The following KLHL11 variants were observed in gnomAD, a reference collection of about 807,000 sequenced individuals.
The protein encoded by KLHL11 is kelch like family member 11.
KLHL11 carries 26 observed loss-of-function variants against 56.1 expected under a neutral mutation model. The observed-to-expected ratio is 0.46, with a 90% CI of 0.34 to 0.64. The LOEUF (loss-of-function observed/expected upper bound fraction) is 0.64. KLHL11 is among the 30% of genes least tolerant of loss of function. KLHL11 has a pLI of 0.01. For synonymous variants in KLHL11, 338 were observed against 345.8 expected (o/e 0.98, Z 0.25); for missense variants, 627 against 919.4 (o/e 0.68, Z 4.11).
intron 1 of KLHL11, among the ~76,000 whole-genome samples, chr17:41,858,049 C>T (rs2048377230): frequency 6.6e-6 from 1 of 151,976 alleles, no homozygotes; most frequent in Non-Finnish European, 1.5e-5. Context: ...AACTCCTGAC[C>T]TCAGGTGACC....
chr17:41,853,925 G>A lies in KLHL11; in HGVS notation c.1942C>T (p.Pro648Ser). 6.2e-7 allele frequency: 1 copy of A among 1,614,190 alleles called. No homozygotes were observed. Among genetic ancestry groups the A allele is most frequent in the Non-Finnish European group, 8.5e-7 (1 of 1,180,040 alleles). ...GCAGTGGCTCTACAACGAGGTTGTG[G>A]CATAGGAGGAAGAAGCATCCACCTC... ...RKRWMLLPPM[P>S]QPRCRATACH... is the part of the protein sequence containing the mutation. Residue 648 changes from proline (P) to serine (S), a missense_variant, in exon 2 of 2, where the codon CCA (proline) becomes TCA (serine). Transcript: ENST00000319121.
Position 41,850,099 on chromosome 17 carries a change from A to G in KLHL11, c.*3641T>C, listed in dbSNP as rs782130829. ...TATTTTAGGCCTGATCCTTGTACTT[A>G]GAACCTTTCCAAATACTCTGGGAAG... is the stretch of plus-strand genomic sequence containing the variant. On this transcript the variant is annotated 3_prime_UTR_variant, in exon 2 of 2. Coordinates refer to ENST00000319121, the MANE Select transcript of KLHL11 (RefSeq NM_018143.3). 1 of 152,344 alleles carries G rather than the reference A, an allele frequency of 6.6e-6. No individual in the cohort carries two copies. Among genetic ancestry groups the G allele is most frequent in the African/African-American group, 2.4e-5 (1 of 41,598 alleles). The allele number at this position is 152,344 out of a possible 1,614,324, so 9.4% of individuals were successfully genotyped here.
intron 1 of KLHL11, among the ~76,000 whole-genome samples, chr17:41,856,560 C>G (rs532276595): frequency 3.5e-4 from 53 of 152,216 alleles, no homozygotes; most frequent in Non-Finnish European, 6.5e-4. Context: ...AAAAACACCA[C>G]CAAATTAGAA....
rs1189433333 is a variant in KLHL11 at position 41,851,155 on chromosome 17, G to A, written c.*2585C>T. ...AATCATTGGACAGGTGGCTCTTTGG[G>A]AGGCCAAGGTGGGAGGATTGCTTGA... is the stretch of plus-strand genomic sequence containing the variant. On this transcript the variant is annotated 3_prime_UTR_variant, in exon 2 of 2. Coordinates refer to ENST00000319121, the MANE Select transcript of KLHL11 (RefSeq NM_018143.3). 4 of 152,186 alleles carry A rather than the reference G, an allele frequency of 2.6e-5. No individual in the cohort carries two copies. The highest frequency in any genetic ancestry group is 5.9e-5 in the Non-Finnish European group (4 of 68,040). The allele number at this position is 152,186 out of a possible 1,614,324, so 9.4% of individuals were successfully genotyped here.
rs939059292 is a variant in KLHL11, at chr17:41,864,924, G to C, written c.447C>G (p.Pro149=). The C allele has an allele frequency of 3.1e-6, 5 of 1,610,660 alleles. No individual in the cohort carries two copies. The highest frequency in any genetic ancestry group is 4.2e-6 in the Non-Finnish European group (5 of 1,178,870). Reference sequence around the variant, plus strand: ...TTACGGCTTCCACTGTGTCGGGTTCGGGCCCCGGCTCGGAGCTCCACTTGC... The same window carrying C: ...TTACGGCTTCCACTGTGTCGGGTTCCGGCCCCGGCTCGGAGCTCCACTTGC... ...EMRKWSSEPG[P]EPDTVEAVIE... Residue 149 remains proline, a synonymous_variant, in exon 1 of 2, where the codon CCC becomes CCG. Coordinates refer to ENST00000319121, the MANE Select transcript of KLHL11 (RefSeq NM_018143.3).
rs1555622045 is a variant in KLHL11, at chr17:41,851,886, G to C, written c.*1854C>G. Among the ~76,000 whole-genome samples, 1 of 151,696 alleles carries C rather than the reference G, an allele frequency of 6.6e-6. No homozygotes were observed. The highest frequency in any genetic ancestry group is 1.5e-5 in the Non-Finnish European group (1 of 67,992). ...AGATCATACCACTGTACTCCAACCT[G>C]GGTGACAAAGTGGGACCCCATCCCC... On this transcript the variant is annotated 3_prime_UTR_variant, in exon 2 of 2. Transcript: ENST00000319121.
intron 1 of KLHL11, among the ~76,000 whole-genome samples, chr17:41,863,682 CT>C (rs2048419124): frequency 6.6e-6 from 1 of 152,166 alleles, no homozygotes; most frequent in African/African-American, 2.4e-5. Context: ...TCCTGCATCC[CT>C]TTGATACAGC....
chr17:41,853,852 T>C lies in KLHL11; in HGVS notation c.2015A>G (p.Tyr672Cys). ...CCACATCAGGTTTTGAGGCATAGGGTATCTCTGTGTGCCATGCAAGTACCG... is the reference window on the plus strand; with the variant it reads ...CCACATCAGGTTTTGAGGCATAGGGCATCTCTGTGTGCCATGCAAGTACCG... ...PYRYLHGTQR[Y>C]PMPQNLMWQK... The change falls in exon 2 of 2, where the codon TAC becomes TGC. Residue 672 changes from tyrosine to cysteine, a missense_variant. Physicochemically the swap from Tyr to Cys is radical, Grantham distance 194. Around this residue, in one of 4 missense-constraint regions of KLHL11, gnomAD observed 250 missense variants for 360.6 expected, o/e 0.69. Transcript: ENST00000319121. 1 of 1,614,118 alleles carries C rather than the reference T, an allele frequency of 6.2e-7. No individual in the cohort carries two copies. Among genetic ancestry groups the C allele is most frequent in the Non-Finnish European group, 8.5e-7 (1 of 1,180,032 alleles).
chr17:41,865,207 G>C lies in KLHL11; in HGVS notation c.164C>G (p.Ser55Cys). 6.2e-7 allele frequency: 1 copy of C among 1,607,022 alleles called. No homozygotes were observed. The highest frequency in any genetic ancestry group is 8.5e-7 in the Non-Finnish European group (1 of 1,177,766). ...ATCGCCCCCGCTCGCCTCCATTGCA[G>C]AGATCCCCGGCCCAGGCCCGAAGTC... ...TVDFGPGPGI[S>C]AMEASGGDPG... The change falls in exon 1 of 2, where the codon TCT (serine) becomes TGT (cysteine). Residue 55 changes from serine (S) to cysteine (C), a missense_variant. This residue lies in a region of KLHL11 where 121 missense variants were observed against 116.2 expected (regional missense o/e 1.04). Coordinates refer to ENST00000319121, the MANE Select transcript of KLHL11 (RefSeq NM_018143.3).
At chr17:41,855,358 A>G (rs2048358287) in intron 1 of KLHL11, 37 bp from the exon 2 acceptor site, 2 of 1,451,390 alleles carry the variant, frequency 1.4e-6, no homozygotes, top group Non-Finnish European at 9.3e-7. Flanking sequence ...TAATTTTTCA[A>G]ATGTGCATAT....
chr17:41,860,109 C>G lies in KLHL11; in HGVS notation c.545+4717G>C, dbSNP rs558070657. Among the ~76,000 whole-genome samples the G allele has an allele frequency of 6.6e-5, 10 of 152,228 alleles. No individual in the cohort carries two copies. The East Asian group carries it at 1.5e-3, about 23-fold the overall frequency. ...AGAACATATCATTTTAGAGATAAAG[C>G]AAAGACAAAGTAGAGTGGTATGGGA... On this transcript the variant is annotated intron_variant, in intron 1 of 1. Coordinates refer to ENST00000319121, the MANE Select transcript of KLHL11 (RefSeq NM_018143.3).
chr17:41,860,879 C>G (rs1464333813), intron 1 of KLHL11, among the ~76,000 whole-genome samples: 2 of 152,088 alleles, frequency 1.3e-5, no homozygotes, highest in Non-Finnish European at 2.9e-5. Flanking sequence ...AATATTTCAC[C>G]CCAAAATATA....
In KLHL11 at chr17:41,865,252, A is replaced by G. The variant is rs1555623434; in HGVS notation, c.119T>C (p.Val40Ala). Residue 40 changes from valine (V) to alanine (A), a missense_variant, in exon 1 of 2, where the codon GTC becomes GCC. Transcript: ENST00000319121. ...GAAGTCCACCGTGCCGCTGCCTCGG[A>G]CCTCGGCGGCCAGTCCTGCCGAGCC... ...AAGSAGLAAE[V>A]RGSGTVDFGP... is the part of the protein sequence containing the mutation. The G allele has an allele frequency of 1.3e-6, 2 of 1,584,752 alleles. No homozygotes were observed. The highest frequency in any genetic ancestry group is 1.7e-5 in the Admixed American group (1 of 57,788).
rs2048435352 is a variant in KLHL11, at chr17:41,865,323, T to TGCAGCCGCG, written c.39_47dup (p.Ala14_Ala16dup). 2 of 1,473,336 alleles carry TGCAGCCGCG rather than the reference T, an allele frequency of 1.4e-6. No individual in the cohort carries two copies. Among genetic ancestry groups the TGCAGCCGCG allele is most frequent in the Admixed American group, 5.4e-5 (2 of 37,118 alleles). 91.3% of individuals were successfully genotyped at this position (1,473,336 alleles called of 1,614,324 possible). On this transcript the variant is annotated inframe_insertion, in exon 1 of 2. Coordinates refer to ENST00000319121, the MANE Select transcript of KLHL11 (RefSeq NM_018143.3). ...TCTCCATCTCCAGTACCTGAAGAGA[T>TGCAGCCGCG]GCAGCCGCGGCCGCCGCCGCCGCCG...
intron 1 of KLHL11, among the ~76,000 whole-genome samples, chr17:41,856,545 C>A (rs560855947): frequency 1.3e-5 from 2 of 152,234 alleles, no homozygotes; most frequent in South Asian, 4.1e-4. Context: ...ACAACAACAA[C>A]AACAAAAAAC....
Position 41,854,738 on chromosome 17 carries a change from A to G in KLHL11, c.1129T>C (p.Cys377Arg). The G allele has an allele frequency of 1.2e-6, 2 of 1,614,156 alleles. No homozygotes were observed. The highest frequency in any genetic ancestry group is 1.7e-6 in the Non-Finnish European group (2 of 1,180,022). Residue 377 changes from cysteine (C) to arginine (R), a missense_variant, in exon 2 of 2, where the codon TGT becomes CGT. Physicochemically the swap from Cys to Arg is radical, Grantham distance 180 (BLOSUM62 -3). Coordinates refer to ENST00000319121, the MANE Select transcript of KLHL11 (RefSeq NM_018143.3). The surrounding 1 kb of genome is among the most constrained non-coding windows in gnomAD (Gnocchi z 4.9). ...TCCTCATCAACAAAGTATCCCACAC[A>G]TTCACTTAAATAGTCCCCTCCTTCT... ...VSEGGDYLSE[C>R]VGYFVDEDRW...
At chr17:41,863,340 G>A (rs1277851835) in intron 1 of KLHL11, among the ~76,000 whole-genome samples, 1 of 151,906 alleles carries the variant, frequency 6.6e-6, no homozygotes, top group African/African-American at 2.4e-5. Flanking sequence ...TGGGATTACA[G>A]GCACACCACC....
chr17:41,858,398 AT>A (rs1367852472), intron 1 of KLHL11, among the ~76,000 whole-genome samples: 24 of 80,296 alleles, frequency 3.0e-4, no homozygotes, highest in African/African-American at 9.8e-4. Context: ...AGATATATAT[AT>A]ATATATTTTT....
chr17:41,850,673 C>G lies in KLHL11; in HGVS notation c.*3067G>C, dbSNP rs1555621952. On this transcript the variant is annotated 3_prime_UTR_variant, in exon 2 of 2. Transcript: ENST00000319121. ...ATGATTCTGTCTTACTTGCATAGAC[C>G]TATCACAGCTAAGAATTAGTGCTTC... The G allele has an allele frequency of 6.6e-6, 1 of 152,134 alleles. No homozygotes were observed. The highest frequency in any genetic ancestry group is 2.4e-5 in the African/African-American group (1 of 41,422). The allele number at this position is 152,134 out of a possible 1,614,324, so 9.4% of individuals were successfully genotyped here.
Sources: gnomAD v4.1 joint callset for allele counts (sites outside exome capture counted in the v4.1 genomes callset) on GRCh38, gnomAD v4.1.1 for gene constraint, gnomAD v4.1.1 regional missense constraint, Gnocchi (gnomAD v3.1) non-coding constraint, MANE v1.5 for transcripts, NCBI Gene and HGNC (gene_info 2026-07-23, HGNC 2026-07-21) for gene names.